The following VPS4A variants were observed in gnomAD, a reference collection of about 807,000 sequenced individuals.
VPS4A encodes vacuolar protein sorting-associated protein 4A.
VPS4A carries 20 observed loss-of-function variants against 52.3 expected under a neutral mutation model. The ratio of observed to expected loss-of-function variants is 0.38; its 90% CI spans 0.27 to 0.56. The LOEUF is 0.56. Ranked by LOEUF, VPS4A falls within the 20% of genes least tolerant of loss-of-function variation. The pLI is 0.72. For synonymous variants in VPS4A, 293 were observed against 227.7 expected, an observed-to-expected ratio of 1.29 and a Z score of -2.58; for missense variants, 419 against 575.9, an observed-to-expected ratio of 0.73 and a Z score of 2.79.
intron 6 of VPS4A, 55 bp downstream of exon 6, chr16:69,319,598 C>A: frequency 6.4e-7 from 1 of 1,566,518 alleles, no homozygotes; most frequent in South Asian, 1.2e-5. Flanking sequence ...GCTAGTGACC[C>A]AGCGGCCCAC....
At position 69,311,481 on chromosome 16, in the gene VPS4A, C is replaced by A; in HGVS notation, c.-31C>A. 1 of 1,319,218 alleles carries A rather than the reference C, an allele frequency of 7.6e-7. No individual in the cohort carries two copies. Among genetic ancestry groups the A allele is most frequent in the Non-Finnish European group, 9.8e-7 (1 of 1,022,168 alleles). 81.7% of individuals were successfully genotyped at this position (1,319,218 alleles called of 1,614,324 possible). On this transcript the variant is annotated 5_prime_UTR_variant, in exon 1 of 11. Transcript: ENST00000254950. ...GCCGGACCGAGGCCGCAAGCAGCGCCGCGGGGTGTGGGGCGGACCCAGGAG... is the reference window on the plus strand; with the variant it reads ...GCCGGACCGAGGCCGCAAGCAGCGCAGCGGGGTGTGGGGCGGACCCAGGAG...
intron 1 of VPS4A, among the ~76,000 whole-genome samples, chr16:69,311,743 C>A (rs1184457271): frequency 6.6e-6 from 1 of 152,196 alleles, no homozygotes; most frequent in Non-Finnish European, 1.5e-5. Flanking sequence ...TCCGGCCCTG[C>A]CCGGCTGGCC....
Position 69,311,382 on chromosome 16 carries a change from G to T in VPS4A, c.-130G>T, listed in dbSNP as rs1173970579. On this transcript the variant is annotated 5_prime_UTR_variant, in exon 1 of 11. Transcript: ENST00000254950. ...GACTCGGCTCCCGCTGCGAGCGGCC[G>T]CCCTGCCCGCGCACCGCGCTCAGCG... 45 of 1,050,268 alleles carry T rather than the reference G, an allele frequency of 4.3e-5. No individual in the cohort carries two copies. The highest frequency in any genetic ancestry group is 5.2e-5 in the Non-Finnish European group (43 of 820,496). 65.1% of individuals were successfully genotyped at this position (1,050,268 alleles called of 1,614,324 possible).
rs1279398320 is a variant in VPS4A, at chr16:69,320,671, T to C, written c.770-17T>C. The C allele has an allele frequency of 6.3e-7, 1 of 1,588,046 alleles. No individual in the cohort carries two copies. Among genetic ancestry groups the C allele is most frequent in the Admixed American group, 1.8e-5 (1 of 55,802 alleles). ...CAGGTGTCCAGAGTCTGAGTCTTTG[T>C]CTCCCTTTCTCCACAGGGGTGGGGA... On this transcript the variant is annotated splice_polypyrimidine_tract_variant and intron_variant, in intron 7 of 10. Transcript: ENST00000254950. The surrounding 1 kb of genome is among the most constrained non-coding windows in gnomAD (Gnocchi z 4.2).
chr16:69,323,660 A>C (rs1209727686), intron 10 of VPS4A: 14 of 455,660 alleles, frequency 3.1e-5, no homozygotes, highest in South Asian at 9.3e-5. Flanking sequence ...GCAGCTAAGA[A>C]GGCTCCTGGC....
In VPS4A at chr16:69,325,353, T is replaced by C. The variant is rs970932195; in HGVS notation, c.*1044T>C. The C allele has an allele frequency of 1.3e-5, 2 of 151,856 alleles. No homozygotes were observed. The highest frequency in any genetic ancestry group is 2.9e-5 in the Non-Finnish European group (2 of 67,890). 9.4% of individuals were successfully genotyped at this position (151,856 alleles called of 1,614,324 possible). A position where few individuals can be genotyped will look rare whatever the true frequency, so the allele number is the denominator to read the frequency against. ...CGTCCTGCAGCTGTGTTTGTTTGGT[T>C]TGGTCTGCCGCTAACATTTAAAAGT... On this transcript the variant is annotated 3_prime_UTR_variant, in exon 11 of 11. Coordinates refer to ENST00000254950, the MANE Select transcript of VPS4A (RefSeq NM_013245.3).
At chr16:69,314,355 C>T (rs1264295022) in intron 1 of VPS4A, among the ~76,000 whole-genome samples, 2 of 152,014 alleles carry the variant, frequency 1.3e-5, no homozygotes, top group Admixed American at 1.3e-4. Context: ...AGAATACCTT[C>T]AGTATTGTTC....
rs1196008316 is a variant in VPS4A at position 69,325,597 on chromosome 16, G to T, written c.*1288G>T. 6.6e-6 allele frequency: 1 copy of T among 152,124 alleles called. No individual in the cohort carries two copies. Among genetic ancestry groups the T allele is most frequent in the Admixed American group, 6.5e-5 (1 of 15,270 alleles). 9.4% of individuals were successfully genotyped at this position (152,124 alleles called of 1,614,324 possible). A position where few individuals can be genotyped will look rare whatever the true frequency, so the allele number is the denominator to read the frequency against. The stretch of plus-strand genomic sequence containing the variant: ...AAAATAAAAAAATTAGCCGGGCGTG[G>T]TGGTGGGCGCCTGCAGTCCCAGCTA... On this transcript the variant is annotated 3_prime_UTR_variant, in exon 11 of 11. Transcript: ENST00000254950.
In VPS4A at chr16:69,322,634, A is replaced by G. The variant is rs1373629497; in HGVS notation, c.1146A>G (p.Pro382=). The G allele has an allele frequency of 6.2e-7, 1 of 1,613,980 alleles. No individual in the cohort carries two copies. Among genetic ancestry groups the G allele is most frequent in the East Asian group, 2.2e-5 (1 of 44,878 alleles). ...TGACTCCATGCTCACCAGGGGACCC[A>G]GGAGCCATGGAGATGACTTGGATGG... ...DLLTPCSPGD[P]GAMEMTWMDV... is the part of the protein sequence containing the mutation. Residue 382 remains proline, a synonymous_variant, in exon 10 of 11, where the codon CCA becomes CCG. Coordinates refer to ENST00000254950, the MANE Select transcript of VPS4A (RefSeq NM_013245.3).
At chr16:69,317,553 G>A (rs1965452306) in intron 3 of VPS4A, among the ~76,000 whole-genome samples, 1 of 152,182 alleles carries the variant, frequency 6.6e-6, no homozygotes, top group Non-Finnish European at 1.5e-5. Context: ...CAGCACTTTG[G>A]GAAGCCGAGG....
At chr16:69,324,027 G>A (rs1433098336) in intron 10 of VPS4A, among the ~76,000 whole-genome samples, 181 bp from the exon 11 acceptor site, 1 of 152,086 alleles carries the variant, frequency 6.6e-6, no homozygotes, top group East Asian at 1.9e-4. Flanking sequence ...ACCAGGAGGA[G>A]GCCCATCTGA....
Position 69,320,298 on chromosome 16 carries a change from C to G in VPS4A, c.769+9C>G. The G allele has an allele frequency of 6.2e-7, 1 of 1,610,922 alleles. No individual in the cohort carries two copies. On this transcript the variant is annotated intron_variant, in intron 7 of 10. Coordinates refer to ENST00000254950, the MANE Select transcript of VPS4A (RefSeq NM_013245.3). This position sits in a 1 kb window ranked among gnomAD's most constrained non-coding sequence, Gnocchi z 4.2. ...CTTGGTCCAGATGCAGGGTGTGTGCCGGGCCCAGGGCCCCCTTGGTTCTTG... is the reference window on the plus strand; with the variant it reads ...CTTGGTCCAGATGCAGGGTGTGTGCGGGGCCCAGGGCCCCCTTGGTTCTTG...
At position 69,321,134 on chromosome 16, in the gene VPS4A, A is replaced by G. The variant is rs1466452481; in HGVS notation, c.935A>G (p.His312Arg). ...CGGTTGCATCTCGGGAGCACTCCCC[A>G]CAACCTCACGGATGCAAACATCCAC... ...MFRLHLGSTP[H>R]NLTDANIHEL... Residue 312 changes from histidine (H) to arginine (R), a missense_variant, in exon 9 of 11, where the codon CAC (histidine) becomes CGC (arginine). His to Arg is a conservative substitution (Grantham distance 29, BLOSUM62 0). This residue lies in a region of VPS4A where 185 missense variants were observed against 200.2 expected (regional missense o/e 0.92). Coordinates refer to ENST00000254950, the MANE Select transcript of VPS4A (RefSeq NM_013245.3). This position sits in a 1 kb window ranked among gnomAD's most constrained non-coding sequence, Gnocchi z 4.5. The G allele has an allele frequency of 1.3e-6, 2 of 1,591,524 alleles. No individual in the cohort carries two copies. Among genetic ancestry groups the G allele is most frequent in the Non-Finnish European group, 1.7e-6 (2 of 1,169,456 alleles).
In VPS4A at chr16:69,313,985, CTTT is replaced by C. The variant is rs71383985; in HGVS notation, c.22-2005_22-2003del. Among the ~76,000 whole-genome samples the C allele has an allele frequency of 4.2e-5, 5 of 118,658 alleles. No homozygotes were observed. The East Asian group carries it at 6.8e-4, about 16-fold the overall frequency. The allele number at this position is 118,658 out of a possible 152,430, so 77.8% of individuals were successfully genotyped here. On this transcript the variant is annotated intron_variant, in intron 1 of 10. Coordinates refer to ENST00000254950, the MANE Select transcript of VPS4A (RefSeq NM_013245.3). Reference sequence around the variant, plus strand: ...GGCTGCCAGAAAAGTCCAGTGCACTCTTTTTTTTTTTTTTTTTTTTGAGATGGA... The same window carrying C: ...GGCTGCCAGAAAAGTCCAGTGCACTCTTTTTTTTTTTTTTTTTGAGATGGA...
At chr16:69,318,623 C>T in intron 3 of VPS4A, 27 bp from the exon 4 acceptor site, 2 of 1,591,570 alleles carry the variant, frequency 1.3e-6, no homozygotes, top group Non-Finnish European at 1.7e-6. Flanking sequence ...GAAGGGCCAG[C>T]TTGTGACTTT....
Position 69,321,075 on chromosome 16 carries a change from C to G in VPS4A, c.876C>G (p.Pro292=), listed in dbSNP as rs1324766626. 1 of 1,592,082 alleles carries G rather than the reference C, an allele frequency of 6.3e-7. No individual in the cohort carries two copies. The highest frequency in any genetic ancestry group is 8.6e-7 in the Non-Finnish European group (1 of 1,169,196). ...RRRFEKRIYI[P]LPEEAARAQM... is the part of the protein sequence containing the mutation. ...GGTTTGAAAAACGAATTTATATCCC[C>G]TTGCCGGAGGAAGCTGCCCGCGCCC... The change falls in exon 9 of 11, where the codon CCC becomes CCG. Residue 292 remains proline, a synonymous_variant. Transcript: ENST00000254950. This position sits in a 1 kb window ranked among gnomAD's most constrained non-coding sequence, Gnocchi z 4.5.
intron 10 of VPS4A, chr16:69,323,077 A>T (rs1173208460): frequency 6.1e-6 from 1 of 164,278 alleles, no homozygotes. Flanking sequence ...CAAAAATAAA[A>T]AATAGTCTTC....
At chr16:69,322,848 T>G (rs537066699) in intron 10 of VPS4A, 148 bp downstream of exon 10, 4 of 1,005,010 alleles carry the variant, frequency 4.0e-6, no homozygotes, top group African/African-American at 1.6e-5. Context: ...GGTGGGCAGA[T>G]CACAAGGTTA....
At chr16:69,315,739 G>A (rs1965428203) in intron 1 of VPS4A, among the ~76,000 whole-genome samples, 1 of 152,184 alleles carries the variant, frequency 6.6e-6, no homozygotes, top group Admixed American at 6.5e-5. Context: ...GCCCTGACCT[G>A]AGATATTAGG....
Sources: gnomAD v4.1 joint callset for allele counts (sites outside exome capture counted in the v4.1 genomes callset) on GRCh38, gnomAD v4.1.1 for gene constraint, gnomAD v4.1.1 regional missense constraint, Gnocchi (gnomAD v3.1) non-coding constraint, MANE v1.5 for transcripts, NCBI Gene and HGNC (gene_info 2026-07-23, HGNC 2026-07-21) for gene names.